The following AKAP8L variants were observed in gnomAD, a reference collection of about 807,000 sequenced individuals.
The protein encoded by AKAP8L is A-kinase anchor protein 8-like.
A neutral mutation model predicts 77.5 loss-of-function variants in AKAP8L; 34 were observed. The observed-to-expected ratio is 0.44, with a 90% CI of 0.33 to 0.58. The LOEUF is 0.58. Ranked by LOEUF, AKAP8L falls within the 20% of genes least tolerant of loss-of-function variation. The pLI is 0.02. For synonymous variants in AKAP8L, 342 were observed against 340.7 expected (o/e 1.00, Z -0.04); for missense variants, 806 against 887.6 (o/e 0.91, Z 1.17).
At position 15,403,852 on chromosome 19, in the gene AKAP8L, C is replaced by A; in HGVS notation, c.122-137G>T. 6 of 1,062,032 alleles carry A rather than the reference C, an allele frequency of 5.6e-6. No individual in the cohort carries two copies. The highest frequency in any genetic ancestry group is 4.4e-5 in the South Asian group (3 of 67,668). 65.8% of individuals were successfully genotyped at this position (1,062,032 alleles called of 1,614,324 possible). On this transcript the variant is annotated intron_variant, in intron 3 of 13. Coordinates refer to ENST00000397410, the MANE Select transcript of AKAP8L (RefSeq NM_014371.4). The surrounding 1 kb of genome is among the most constrained non-coding windows in gnomAD (Gnocchi z 4.3). Reference sequence around the variant, plus strand: ...ACCCTAGCCACTGAAGCTAGATGGGCCCTGGTCATTCTGATGAGGGCCTCC... The same window carrying A: ...ACCCTAGCCACTGAAGCTAGATGGGACCTGGTCATTCTGATGAGGGCCTCC...
At chr19:15,418,829 G>A in intron 1 of AKAP8L, 82 bp downstream of exon 1, 7 of 1,440,234 alleles carry the variant, frequency 4.9e-6, no homozygotes, top group East Asian at 4.8e-5. Context: ...CCCCAGGGGA[G>A]GTGCGGGCAA....
intron 12 of AKAP8L, among the ~76,000 whole-genome samples, chr19:15,396,457 A>G (rs1290551232): frequency 6.6e-6 from 1 of 152,178 alleles, no homozygotes; most frequent in Admixed American, 6.5e-5. Context: ...GAATTTGCTC[A>G]TTCTCTTGCC....
At chr19:15,400,560 A>T in intron 7 of AKAP8L, 1 of 717,954 alleles carries the variant, frequency 1.4e-6, no homozygotes, top group Non-Finnish European at 2.3e-6. Flanking sequence ...ATGTGCCAGA[A>T]ACCTCACATC....
chr19:15,387,716 C>T (rs1029464524), intron 12 of AKAP8L, among the ~76,000 whole-genome samples: 2 of 152,176 alleles, frequency 1.3e-5, no homozygotes, highest in Non-Finnish European at 2.9e-5. Flanking sequence ...ATCCCAGCAC[C>T]TTGTGAGGCT....
At chr19:15,388,516 CA>C (rs1170811557) in intron 12 of AKAP8L, among the ~76,000 whole-genome samples, 19 of 152,148 alleles carry the variant, frequency 1.2e-4, no homozygotes, top group African/African-American at 4.6e-4. Flanking sequence ...AATTTAAACA[CA>C]GAGATAGAAA....
At chr19:15,396,939 AATAT>A (rs1967788409) in intron 12 of AKAP8L, among the ~76,000 whole-genome samples, 1 of 152,068 alleles carries the variant, frequency 6.6e-6, no homozygotes, top group East Asian at 1.9e-4. Flanking sequence ...TATCCCACAG[AATAT>A]ATCACCTTCT....
intron 12 of AKAP8L, among the ~76,000 whole-genome samples, chr19:15,395,760 G>A (rs1355805900): frequency 1.4e-5 from 2 of 146,262 alleles, no homozygotes; most frequent in Non-Finnish European, 3.0e-5. Context: ...CGAGGCGGGC[G>A]GATCACGAGG....
In AKAP8L at chr19:15,380,119, G is replaced by A. The variant is rs759414231; in HGVS notation, c.*3C>T. 22 of 1,479,972 alleles carry A rather than the reference G, an allele frequency of 1.5e-5. No individual in the cohort carries two copies. Among genetic ancestry groups the A allele is most frequent in the Non-Finnish European group, 1.9e-5 (21 of 1,125,922 alleles). 91.7% of individuals were successfully genotyped at this position (1,479,972 alleles called of 1,614,324 possible). On this transcript the variant is annotated 3_prime_UTR_variant, in exon 14 of 14. Transcript: ENST00000397410. ...CGCGGGCTCCGCCCGCCCCGAGCTC[G>A]GGTCACGGGGCGCCCCCGCCGCCCT...
In AKAP8L at chr19:15,398,485, G is replaced by T; in HGVS notation, c.1158-630C>A. The stretch of plus-strand genomic sequence containing the variant: ...CGCCCGCTCGGCCTGCCAGAGGGCA[G>T]CCTGGAGTCACCTGGGCGAGGTGCT... On this transcript the variant is annotated intron_variant, in intron 9 of 13. Coordinates refer to ENST00000397410, the MANE Select transcript of AKAP8L (RefSeq NM_014371.4). This position sits in a 1 kb window ranked among gnomAD's most constrained non-coding sequence, Gnocchi z 9.2. The T allele has an allele frequency of 2.6e-6, 2 of 766,384 alleles. No homozygotes were observed. Among genetic ancestry groups the T allele is most frequent in the African/African-American group, 1.9e-5 (1 of 53,020 alleles). 47.5% of individuals were successfully genotyped at this position (766,384 alleles called of 1,614,324 possible).
rs563899989 is a variant in AKAP8L, at chr19:15,406,769, G to C, written c.89-2727C>G. ...CATGAGCCACTGCACCTGGCCCCAA[G>C]GACATAATTTTTAAAAGAAAAAAGG... On this transcript the variant is annotated intron_variant, in intron 2 of 13. Coordinates refer to ENST00000397410, the MANE Select transcript of AKAP8L (RefSeq NM_014371.4). Among the ~76,000 whole-genome samples, 7 of 152,148 alleles carry C rather than the reference G, an allele frequency of 4.6e-5. 1 individual carries two copies. The South Asian group carries it at 1.5e-3, about 32-fold the overall frequency.
rs146711071 is a variant in AKAP8L at position 15,382,933 on chromosome 19, A to G, written c.1537-2321T>C. On this transcript the variant is annotated intron_variant, in intron 12 of 13. Transcript: ENST00000397410. The stretch of plus-strand genomic sequence containing the variant: ...TCAATCTGTATATGTTATGAGGTAG[A>G]GGGTCCAAAATTTTCTTTTCCAGAA... 3.1e-4 allele frequency among the ~76,000 whole-genome samples: 47 copies of G among 152,274 alleles called. No homozygotes were observed. The South Asian group carries it at 9.5e-3, about 31-fold the overall frequency.
At chr19:15,393,562 C>T (rs1967707604) in intron 12 of AKAP8L, among the ~76,000 whole-genome samples, 1 of 152,124 alleles carries the variant, frequency 6.6e-6, no homozygotes, top group Middle Eastern at 3.2e-3. Context: ...AGTCAGTTAT[C>T]AGGGCTACGC....
In AKAP8L at chr19:15,400,881, G is replaced by T. The variant is rs372022342; in HGVS notation, c.914-17C>A. 6.7e-5 allele frequency: 108 copies of T among 1,613,856 alleles called. 1 individual carries two copies. Among genetic ancestry groups the T allele is most frequent in the Non-Finnish European group, 8.8e-5 (104 of 1,179,876 alleles). ...TGCCCTCATCTGAAAGGGAAAAGGA[G>T]GTAAGCTCAACCCAGGAGTTCCCAG... On this transcript the variant is annotated splice_polypyrimidine_tract_variant and intron_variant, in intron 6 of 13. Transcript: ENST00000397410.
chr19:15,406,362 GGAGAGAGAGAGAGAGAGA>G (rs3040938), intron 2 of AKAP8L, among the ~76,000 whole-genome samples: 4 of 89,364 alleles, frequency 4.5e-5, no homozygotes, highest in South Asian at 4.2e-4. Context: ...GAAATTTTAA[GGAGAGAGAGAGAGAGAGA>G]GAGAGAGAGA....
At chr19:15,418,441 G>A (rs1171512535) in intron 1 of AKAP8L, among the ~76,000 whole-genome samples, 1 of 152,208 alleles carries the variant, frequency 6.6e-6, no homozygotes, top group East Asian at 1.9e-4. Flanking sequence ...ATAGACAAAA[G>A]GGGGTGGTGG....
intron 12 of AKAP8L, among the ~76,000 whole-genome samples, chr19:15,384,031 C>A (rs1967474616): frequency 7.1e-6 from 1 of 140,946 alleles, no homozygotes; most frequent in Admixed American, 7.8e-5. Flanking sequence ...CTCCAAGGTT[C>A]AAGCAATTCT....
intron 12 of AKAP8L, 107 bp from the exon 13 acceptor site, chr19:15,380,719 C>T: frequency 1.1e-6 from 1 of 935,476 alleles, no homozygotes; most frequent in South Asian, 1.4e-5. Context: ...TGCACCCACG[C>T]ACTTCCAGCC....
Position 15,406,056 on chromosome 19 carries a change from G to A in AKAP8L, c.89-2014C>T, listed in dbSNP as rs550310781. 1.4e-3 allele frequency among the ~76,000 whole-genome samples: 213 copies of A among 152,282 alleles called. 1 individual carries two copies. The highest frequency in any genetic ancestry group is 4.9e-3 in the African/African-American group (202 of 41,560). On this transcript the variant is annotated intron_variant, in intron 2 of 13. Coordinates refer to ENST00000397410, the MANE Select transcript of AKAP8L (RefSeq NM_014371.4). Reference sequence around the variant, plus strand: ...TGAGGATCTGCCACAACAGAGTGAGGAGGCACAACGAAAGGAAGCAGCATC... The same window carrying A: ...TGAGGATCTGCCACAACAGAGTGAGAAGGCACAACGAAAGGAAGCAGCATC...
chr19:15,409,544 CA>C (rs1207658814), intron 2 of AKAP8L, among the ~76,000 whole-genome samples: 3 of 152,158 alleles, frequency 2.0e-5, no homozygotes, highest in Non-Finnish European at 4.4e-5. Context: ...AGTCTTTCCC[CA>C]GATCTTGGTA....
Sources: gnomAD v4.1 joint callset for allele counts (sites outside exome capture counted in the v4.1 genomes callset) on GRCh38, gnomAD v4.1.1 for gene constraint, Gnocchi (gnomAD v3.1) non-coding constraint, MANE v1.5 for transcripts, NCBI Gene and HGNC (gene_info 2026-07-23, HGNC 2026-07-21) for gene names.